Variants in ATIC observed in about 807,000 individuals in gnomAD.
ATIC encodes bifunctional purine biosynthesis protein ATIC.
ATIC carries 64 observed loss-of-function variants against 72.5 expected under a neutral mutation model. The ratio of observed to expected loss-of-function variants is 0.88; its 90% CI spans 0.72 to 1.09. ATIC has a LOEUF of 1.09. Among genes scored for constraint, ATIC ranks in the 50% least tolerant of loss-of-function variants. The pLI is 0.00. For synonymous variants in ATIC, 281 were observed against 267.1 expected, an observed-to-expected ratio of 1.05 and a Z score of -0.51; for missense variants, 787 against 732.4, an observed-to-expected ratio of 1.07 and a Z score of -0.86.
At chr2:215,347,461 G>A (rs958459636) in intron 14 of ATIC, among the ~76,000 whole-genome samples, 1 of 151,962 alleles carries the variant, frequency 6.6e-6, no homozygotes, top group Non-Finnish European at 1.5e-5. Context: ...CATTACAATC[G>A]CAAACGTTAG....
Position 215,312,440 on chromosome 2 carries a change from C to T in ATIC, c.20-58C>T. ...CTCCTCCCCCAGACCCTCCCAAGGC[C>T]TTGCAGAACACAGTGCAATGTGCTG... On this transcript the variant is annotated intron_variant, in intron 1 of 15. Coordinates refer to ENST00000236959, the MANE Select transcript of ATIC (RefSeq NM_004044.7). The T allele has an allele frequency of 2.5e-6, 4 of 1,613,676 alleles. No homozygotes were observed. In the Admixed American group the frequency reaches 5.0e-5, roughly 20 times the overall value.
chr2:215,332,391 G>A lies in ATIC; in HGVS notation c.698G>A (p.Gly233Glu). 1 of 1,613,904 alleles carries A rather than the reference G, an allele frequency of 6.2e-7. No individual in the cohort carries two copies. Among genetic ancestry groups the A allele is most frequent in the Non-Finnish European group, 8.5e-7 (1 of 1,180,002 alleles). The change falls in exon 8 of 16, where the codon GGA becomes GAA. Residue 233 changes from glycine (G) to glutamate (E), a missense_variant. Coordinates refer to ENST00000236959, the MANE Select transcript of ATIC (RefSeq NM_004044.7). ...QPKLPITVLN[G>E]APGFINLCDA... is the part of the protein sequence containing the mutation. ...ATATTTTTACATTTAGTTCTAAATG[G>A]AGCCCCTGGATTTATAAACTTGTGC...
At chr2:215,326,558 T>C (rs112519797) in intron 6 of ATIC, among the ~76,000 whole-genome samples, 3,131 of 150,440 alleles carry the variant, frequency 0.021, 99 homozygotes, top group African/African-American at 0.072. Context: ...TGCAGTAAGC[T>C]GACATCACAC....
At chr2:215,358,547 A>G in the ATIC span, among the ~76,000 whole-genome samples, 141,259 of 152,200 alleles carry the variant, frequency 0.93, 65,577 homozygotes, top group East Asian at 1. Flanking sequence ...AAAGTAAGAC[A>G]CATTAGATTG....
At chr2:215,323,565 G>T (rs113127243) in intron 4 of ATIC, among the ~76,000 whole-genome samples, 1 of 151,880 alleles carries the variant, frequency 6.6e-6, no homozygotes. Flanking sequence ...TATATCCTGC[G>T]GCTTTGCTGA....
At chr2:215,340,035 G>GC (rs1399156251) in intron 12 of ATIC, among the ~76,000 whole-genome samples, 1 of 152,098 alleles carries the variant, frequency 6.6e-6, no homozygotes, top group African/African-American at 2.4e-5. Context: ...TGTTGCCCAG[G>GC]CTGGAGTGCA....
rs1160743362 is a variant in ATIC, at chr2:215,344,789, C to A, written c.1238C>A (p.Ser413Tyr). The change falls in exon 13 of 16, where the codon TCT becomes TAT. Residue 413 changes from serine to tyrosine, a missense_variant. By Grantham distance (144) the Ser-to-Tyr change is moderately radical. Coordinates refer to ENST00000236959, the MANE Select transcript of ATIC (RefSeq NM_004044.7). ...GTGTATGTGTTTCAGTTGCCAGAGTCTGCCCTCCGAGACCTCATCGTAGCC... is the reference window on the plus strand; with the variant it reads ...GTGTATGTGTTTCAGTTGCCAGAGTATGCCCTCCGAGACCTCATCGTAGCC... ...VVTKNKDLPE[S>Y]ALRDLIVATI... 10 of 1,613,922 alleles carry A rather than the reference C, an allele frequency of 6.2e-6. No homozygotes were observed. The highest frequency in any genetic ancestry group is 1.1e-5 in the South Asian group (1 of 91,056).
chr2:215,328,300 T>C (rs2052851729), intron 7 of ATIC, among the ~76,000 whole-genome samples: 1 of 152,092 alleles, frequency 6.6e-6, no homozygotes, highest in Non-Finnish European at 1.5e-5. Context: ...CACAGCACAG[T>C]AATCTTTTAA....
chr2:215,351,809 A>G (rs551435590), downstream of ATIC, among the ~76,000 whole-genome samples: 21 of 152,344 alleles, frequency 1.4e-4, 1 homozygote, highest in East Asian at 4.0e-3. Context: ...GGAATAAAAT[A>G]GTAACTACAG....
At chr2:215,319,387 G>T (rs954173504) in intron 3 of ATIC, among the ~76,000 whole-genome samples, 6 of 151,888 alleles carry the variant, frequency 4.0e-5, no homozygotes, top group Non-Finnish European at 8.8e-5. Flanking sequence ...TTAAAAAATT[G>T]AAAAGACCAG....
chr2:215,314,256 T>G (rs2052685553), intron 2 of ATIC, among the ~76,000 whole-genome samples: 1 of 152,226 alleles, frequency 6.6e-6, no homozygotes, highest in African/African-American at 2.4e-5. Context: ...CCCAGCACAG[T>G]AAAGTTCACT....
chr2:215,347,927 C>G (rs551859872), intron 14 of ATIC, among the ~76,000 whole-genome samples: 3 of 152,272 alleles, frequency 2.0e-5, no homozygotes, highest in East Asian at 3.9e-4. Flanking sequence ...GTTCTGGAGG[C>G]TGTGAAGTCC....
chr2:215,362,131 A>G, the ATIC span: 10 of 1,368,862 alleles, frequency 7.3e-6, no homozygotes, highest in Admixed American at 5.2e-5. Context: ...ACCTGAGGAC[A>G]TCGTAATTTA....
chr2:215,348,302 T>C (rs569188613), intron 14 of ATIC, among the ~76,000 whole-genome samples: 29 of 152,338 alleles, frequency 1.9e-4, no homozygotes, highest in African/African-American at 6.5e-4. Flanking sequence ...CTCATCTCTT[T>C]CCTAGATTGG....
At chr2:215,329,019 G>A (rs940502268) in intron 7 of ATIC, among the ~76,000 whole-genome samples, 1 of 152,164 alleles carries the variant, frequency 6.6e-6, no homozygotes, top group Admixed American at 6.6e-5. Context: ...GCCCAGCCAG[G>A]ATGTCAGCTT....
chr2:215,316,630 G>T (rs1193128914), intron 2 of ATIC, among the ~76,000 whole-genome samples: 1 of 152,046 alleles, frequency 6.6e-6, no homozygotes, highest in Non-Finnish European at 1.5e-5. Context: ...CTATAAAGAA[G>T]GTAGTAAAAA....
intron 12 of ATIC, 109 bp from the exon 13 acceptor site, chr2:215,344,670 T>C: frequency 9.6e-7 from 1 of 1,039,516 alleles, no homozygotes; most frequent in Non-Finnish European, 1.4e-6. Flanking sequence ...GGAGACAGAG[T>C]GAGACTCTGA....
At chr2:215,366,816 C>G in the ATIC span, among the ~76,000 whole-genome samples, 1 of 149,642 alleles carries the variant, frequency 6.7e-6, no homozygotes, top group Non-Finnish European at 1.5e-5. Flanking sequence ...AGGTAATAAA[C>G]ATACAAACTT....
the ATIC span, among the ~76,000 whole-genome samples, chr2:215,357,886 G>A: frequency 2.7e-5 from 4 of 149,740 alleles, no homozygotes; most frequent in Non-Finnish European, 5.9e-5. Context: ...TGTCTCCCTT[G>A]AAAATGGGAT....
Sources: gnomAD v4.1 joint callset for allele counts (sites outside exome capture counted in the v4.1 genomes callset) on GRCh38, gnomAD v4.1.1 for gene constraint, MANE v1.5 for transcripts, NCBI Gene and HGNC (gene_info 2026-07-23, HGNC 2026-07-21) for gene names.